FRMD4B: variants seen among roughly 807,000 people sequenced by gnomAD.
FRMD4B encodes FERM domain-containing protein 4B.
Under a neutral mutation model 141.5 loss-of-function variants are expected in FRMD4B, and 74 were observed. That is an observed-to-expected ratio of 0.52 (90% CI 0.43 to 0.63). The LOEUF (loss-of-function observed/expected upper bound fraction) is 0.63. Ranked by LOEUF, FRMD4B falls within the 30% of genes least tolerant of loss-of-function variation. The probability of loss-of-function intolerance (pLI) is 0.00; values close to 1 mark genes in which losing one functional copy is unlikely to be tolerated. For synonymous variants in FRMD4B, 506 were observed against 467.9 expected, an observed-to-expected ratio of 1.08 and a Z score of -1.05; for missense variants, 1,366 against 1,253.4, an observed-to-expected ratio of 1.09 and a Z score of -1.36.
chr3:69,319,422 A>AT (rs1327183344), intron 1 of FRMD4B, among the ~76,000 whole-genome samples: 1 of 152,186 alleles, frequency 6.6e-6, no homozygotes, highest in African/African-American at 2.4e-5. Context: ...AAAAAAACAC[A>AT]TTTTTAATGG....
At position 69,302,403 on chromosome 3, in the gene FRMD4B, C is replaced by G; in HGVS notation, c.356G>C (p.Arg119Pro). The G allele has an allele frequency of 1.2e-6, 2 of 1,607,196 alleles. No homozygotes were observed. Among genetic ancestry groups the G allele is most frequent in the Non-Finnish European group, 1.7e-6 (2 of 1,175,856 alleles). ...CTTGGGCAAATCGTGGTCAAGAACT[C>G]GGTGATCTAACTGCAGCCAGTTCTG... ...GQQNWLQLDHRVLDHDLPKKP... is the reference protein window; with the variant it reads ...GQQNWLQLDHPVLDHDLPKKP... The change falls in exon 4 of 23, where the codon CGA becomes CCA. Residue 119 changes from arginine to proline, a missense_variant. Arg to Pro is a moderately radical substitution (Grantham distance 103). Transcript: ENST00000398540.
At chr3:69,474,642 A>G (rs892486249) in intron 1 of FRMD4B, among the ~76,000 whole-genome samples, 1 of 152,178 alleles carries the variant, frequency 6.6e-6, no homozygotes, top group Non-Finnish European at 1.5e-5. Flanking sequence ...AAGAATTACA[A>G]TTAGAAGATA....
intron 2 of FRMD4B, among the ~76,000 whole-genome samples, chr3:69,415,695 C>T (rs140400724): frequency 6.6e-6 from 1 of 152,334 alleles, no homozygotes; most frequent in Admixed American, 6.5e-5. Context: ...TTTTCTTTGA[C>T]TTACTTTAGT....
chr3:69,515,086 C>A (rs1349447883), intron 1 of FRMD4B, among the ~76,000 whole-genome samples: 1 of 152,144 alleles, frequency 6.6e-6, no homozygotes, highest in Non-Finnish European at 1.5e-5. Context: ...TGATCTTCAA[C>A]AAGGAGCCTA....
At chr3:69,513,585 A>G (rs1706724192) in intron 1 of FRMD4B, among the ~76,000 whole-genome samples, 2 of 152,200 alleles carry the variant, frequency 1.3e-5, no homozygotes, top group African/African-American at 4.8e-5. Flanking sequence ...CCAAAGCCAA[A>G]GATGCTACAA....
chr3:69,362,023 C>T lies in FRMD4B; in HGVS notation c.162+23805G>A, dbSNP rs1289385376. 3.3e-5 allele frequency among the ~76,000 whole-genome samples: 5 copies of T among 152,264 alleles called. No individual in the cohort carries two copies. In the South Asian group the frequency reaches 8.3e-4, roughly 25 times the overall value. On this transcript the variant is annotated intron_variant, in intron 1 of 22. Transcript: ENST00000398540. ...GCCAAAATGTGGTATTATAGGTCTT[C>T]TTAATTTTAGTTATTTTAGTGACTG...
chr3:69,398,119 G>T (rs564730884), intron 2 of FRMD4B, among the ~76,000 whole-genome samples: 23 of 152,088 alleles, frequency 1.5e-4, no homozygotes, highest in Non-Finnish European at 3.4e-4. Context: ...GCATGTAAGG[G>T]AAAAAACCTA....
At chr3:69,401,016 GC>G (rs1380870122) in intron 2 of FRMD4B, among the ~76,000 whole-genome samples, 1 of 152,144 alleles carries the variant, frequency 6.6e-6, no homozygotes, top group Non-Finnish European at 1.5e-5. Flanking sequence ...CATTTTGAAT[GC>G]CCTTTTCCAT....
chr3:69,368,796 T>C (rs59683429), intron 1 of FRMD4B, among the ~76,000 whole-genome samples: 26,501 of 152,142 alleles, frequency 0.17, 2,565 homozygotes, highest in African/African-American at 0.24. Context: ...TAGCTGGGAC[T>C]ACAGGTACAC....
chr3:69,442,225 G>A (rs1296880308), intron 1 of FRMD4B, among the ~76,000 whole-genome samples: 2 of 151,768 alleles, frequency 1.3e-5, no homozygotes, highest in African/African-American at 4.8e-5. Context: ...GGAATTACAA[G>A]TGCACACCAT....
At chr3:69,358,470 A>G (rs981723417) in intron 1 of FRMD4B, among the ~76,000 whole-genome samples, 2 of 152,204 alleles carry the variant, frequency 1.3e-5, no homozygotes, top group African/African-American at 4.8e-5. Context: ...TCCGGGGGGC[A>G]CATGCCTGTA....
chr3:69,190,676 A>G (rs796692136), intron 17 of FRMD4B, among the ~76,000 whole-genome samples: 33 of 152,232 alleles, frequency 2.2e-4, no homozygotes, highest in African/African-American at 7.5e-4. Flanking sequence ...AGGCCTCCCA[A>G]AGTACTGGGA....
rs185531994 is a variant in FRMD4B at position 69,245,590 on chromosome 3, G to T, written c.581+3636C>A. 2.5e-3 allele frequency among the ~76,000 whole-genome samples: 373 copies of T among 151,812 alleles called. 4 individuals carry two copies. Among genetic ancestry groups the T allele is most frequent in the African/African-American group, 8.3e-3 (343 of 41,370 alleles). On this transcript the variant is annotated intron_variant, in intron 7 of 22. Coordinates refer to ENST00000398540, the MANE Select transcript of FRMD4B (RefSeq NM_015123.3). The stretch of plus-strand genomic sequence containing the variant: ...TCAAACTCCTGGCCTCGAGTGATCC[G>T]CCTATCTCGGCCTCCTAAAATGCTG...
rs191423568 is a variant in FRMD4B, at chr3:69,535,570, A to G, written c.-129+6636T>C. 760 of 167,372 alleles carry G rather than the reference A, an allele frequency of 4.5e-3. 19 individuals are homozygous for G. Among genetic ancestry groups the G allele is most frequent in the Admixed American group, 0.04 (638 of 15,942 alleles). 10.4% of individuals were successfully genotyped at this position (167,372 alleles called of 1,614,324 possible). On this transcript the variant is annotated intron_variant, in intron 1 of 5. Coordinates refer to the FRMD4B transcript ENST00000459638. ...AAGAAACAAAAGTCTTTATTGATAA[A>G]TAGCTTACAATGAAATAAATAAAGC...
chr3:69,372,251 C>T (rs1237106516), intron 1 of FRMD4B, among the ~76,000 whole-genome samples: 6 of 152,216 alleles, frequency 3.9e-5, no homozygotes, highest in African/African-American at 1.2e-4. Flanking sequence ...CCAGCTTCAT[C>T]CCCAGTGGAC....
intron 9 of FRMD4B, among the ~76,000 whole-genome samples, chr3:69,221,025 C>A (rs562453390): frequency 6.6e-6 from 1 of 151,198 alleles, no homozygotes; most frequent in African/African-American, 2.4e-5. Context: ...TGCAATGGTG[C>A]AATCACGGCT....
intron 1 of FRMD4B, chr3:69,535,702 G>A (rs1498845): frequency 0.045 from 17,507 of 386,862 alleles, 648 homozygotes; most frequent in Admixed American, 0.12. Context: ...TGAGGAGACC[G>A]TAATGGGCAG....
At chr3:69,530,540 G>A (rs993213015) in intron 1 of FRMD4B, among the ~76,000 whole-genome samples, 4 of 151,866 alleles carry the variant, frequency 2.6e-5, no homozygotes, top group Non-Finnish European at 4.4e-5. Flanking sequence ...TCAGAATCAT[G>A]AGTCAAATAA....
intron 1 of FRMD4B, among the ~76,000 whole-genome samples, chr3:69,372,530 T>C (rs1035790627): frequency 2.0e-5 from 3 of 152,168 alleles, no homozygotes; most frequent in African/African-American, 7.2e-5. Flanking sequence ...CTGGGCGTGG[T>C]GGCACGCACC....
Sources: gnomAD v4.1 joint callset for allele counts (sites outside exome capture counted in the v4.1 genomes callset) on GRCh38, gnomAD v4.1.1 for gene constraint, MANE v1.5 for transcripts, NCBI Gene and HGNC (gene_info 2026-07-23, HGNC 2026-07-21) for gene names.